The following SYT10 variants were observed in gnomAD, a reference collection of about 807,000 sequenced individuals.
The protein encoded by SYT10 is synaptotagmin 10.
SYT10 carries 31 observed loss-of-function variants against 51.1 expected under a neutral mutation model. The observed-to-expected ratio is 0.61, with a 90% CI of 0.46 to 0.82. SYT10 has a LOEUF of 0.82. SYT10 is among the 40% of genes least tolerant of loss of function. SYT10 has a pLI of 0.00. For synonymous variants in SYT10, 233 were observed against 225.9 expected (o/e 1.03, Z -0.28); for missense variants, 603 against 634.0 (o/e 0.95, Z 0.53).
intron 3 of SYT10, among the ~76,000 whole-genome samples, chr12:33,390,585 A>G (rs946730010): frequency 6.6e-6 from 1 of 152,180 alleles, no homozygotes; most frequent in African/African-American, 2.4e-5. Flanking sequence ...TATATAAAAT[A>G]AATAATTTGC....
chr12:33,435,304 C>G (rs1301438907), intron 1 of SYT10, among the ~76,000 whole-genome samples: 2 of 152,184 alleles, frequency 1.3e-5, no homozygotes, highest in Non-Finnish European at 1.5e-5. Flanking sequence ...CCTGCCAATA[C>G]TGCTAACATA....
chr12:33,434,424 G>A (rs925608739), intron 1 of SYT10, among the ~76,000 whole-genome samples: 4 of 152,148 alleles, frequency 2.6e-5, no homozygotes, highest in African/African-American at 9.7e-5. Context: ...GAGATTTGGA[G>A]GTTATTAAGT....
In SYT10 at chr12:33,439,428, TC is replaced by T. The variant is rs1866666035; in HGVS notation, c.94del (p.Glu32ArgfsTer26). 1 of 1,614,052 alleles carries T rather than the reference TC, an allele frequency of 6.2e-7. No homozygotes were observed. Among genetic ancestry groups the T allele is most frequent in the Non-Finnish European group, 8.5e-7 (1 of 1,180,030 alleles). On this transcript the variant is annotated frameshift_variant, in exon 1 of 7. Coordinates refer to ENST00000228567, the MANE Select transcript of SYT10 (RefSeq NM_198992.4). LOFTEE classifies it high-confidence loss of function. Reference protein sequence around the residue: ...ELCFAGQVEWEKCSGIFPRDR... With the variant: ...ELCFAGQVEWXKCSGIFPRDR... Reference sequence around the variant, plus strand: ...CCGAGGGAAGATGCCCGAGCACTTCTCCCACTCCACCTGGCCGGCGAAGCAC... The same window carrying T: ...CCGAGGGAAGATGCCCGAGCACTTCTCCACTCCACCTGGCCGGCGAAGCAC...
chr12:33,407,610 G>GT (rs548903645), intron 2 of SYT10, among the ~76,000 whole-genome samples: 305 of 151,732 alleles, frequency 2.0e-3, no homozygotes, highest in Non-Finnish European at 3.1e-3. Context: ...GTTTTGTTTT[G>GT]TTTTTTGTTT....
intron 1 of SYT10, 132 bp downstream of exon 1, chr12:33,439,240 G>C: frequency 8.5e-7 from 1 of 1,180,834 alleles, no homozygotes; most frequent in Non-Finnish European, 1.2e-6. Context: ...GAAGGAAGGA[G>C]CGAGGTAGGA....
In SYT10 at chr12:33,382,365, C is replaced by G. The variant is rs780252635; in HGVS notation, c.1354G>C (p.Val452Leu). The G allele has an allele frequency of 8.1e-6, 13 of 1,606,464 alleles. No individual in the cohort carries two copies. The highest frequency in any genetic ancestry group is 9.3e-6 in the Non-Finnish European group (11 of 1,176,700). Reference sequence around the variant, plus strand: ...TACACATACCTATCGTAATCCATGACCGCAATGGAGAGGCTGACCTGGTCC... The same window carrying G: ...TACACATACCTATCGTAATCCATGAGCGCAATGGAGAGGCTGACCTGGTCC... Reference protein sequence around the residue: ...NVDQVSLSIAVMDYDRVGHNE... With the variant: ...NVDQVSLSIALMDYDRVGHNE... Residue 452 changes from valine (V) to leucine (L), a missense_variant, in exon 5 of 7, where the codon GTC becomes CTC. Physicochemically the swap from Val to Leu is conservative, Grantham distance 32 (BLOSUM62 1). Coordinates refer to ENST00000228567, the MANE Select transcript of SYT10 (RefSeq NM_198992.4).
intron 4 of SYT10, among the ~76,000 whole-genome samples, chr12:33,384,126 C>T (rs533420242): frequency 1.3e-5 from 2 of 152,146 alleles, no homozygotes; most frequent in South Asian, 4.2e-4. Flanking sequence ...TAAGTAGTGT[C>T]TCTCTCATTT....
At chr12:33,398,444 C>T (rs1451151106) in intron 3 of SYT10, among the ~76,000 whole-genome samples, 2 of 151,726 alleles carry the variant, frequency 1.3e-5, no homozygotes, top group Admixed American at 6.6e-5. Context: ...ACCTGGGAGG[C>T]GGAGGTTGCA....
intron 2 of SYT10, among the ~76,000 whole-genome samples, chr12:33,415,656 T>A (rs1287842683): frequency 2.0e-5 from 3 of 152,218 alleles, no homozygotes; most frequent in Non-Finnish European, 2.9e-5. Flanking sequence ...GAAACTCTCA[T>A]CATATATTCA....
At chr12:33,381,507 G>C (rs753683649) in intron 5 of SYT10, among the ~76,000 whole-genome samples, 1 of 152,186 alleles carries the variant, frequency 6.6e-6, no homozygotes, top group African/African-American at 2.4e-5. Context: ...AAAATAATAA[G>C]AGGAAGTATA....
In SYT10 at chr12:33,393,317, C is replaced by A. The variant is rs74075216; in HGVS notation, c.1078-8026G>T. ...TTCCTCATACTGGTTAAGAGATAAT[C>A]ATAAGCTTCTGGATGCAAAAAACCA... is the stretch of plus-strand genomic sequence containing the variant. On this transcript the variant is annotated intron_variant, in intron 3 of 6. Transcript: ENST00000228567. Among the ~76,000 whole-genome samples the A allele has an allele frequency of 4.6e-3, 698 of 152,288 alleles. 4 individuals carry two copies. The highest frequency in any genetic ancestry group is 0.016 in the African/African-American group (674 of 41,568).
rs369118657 is a variant in SYT10 at position 33,385,193 on chromosome 12, C to T, written c.1176G>A (p.Ala392=). The T allele has an allele frequency of 5.6e-6, 9 of 1,613,646 alleles. No homozygotes were observed. The highest frequency in any genetic ancestry group is 4.5e-5 in the East Asian group (2 of 44,854). ...TACCTGATGAGCCAGTAATATCCAT[C>T]GCCTTCAGATTTCTGCACTTAATGA... ...LTVIKCRNLK[A]MDITGSSDPY... Residue 392 remains alanine, a synonymous_variant, in exon 4 of 7, where the codon GCG becomes GCA. Coordinates refer to ENST00000228567, the MANE Select transcript of SYT10 (RefSeq NM_198992.4).
intron 3 of SYT10, among the ~76,000 whole-genome samples, chr12:33,386,835 A>G (rs1406755729): frequency 6.6e-6 from 1 of 152,202 alleles, no homozygotes; most frequent in African/African-American, 2.4e-5. Context: ...TTTTTGAAGA[A>G]CTGAATACAT....
At chr12:33,395,915 T>C (rs1339792363) in intron 3 of SYT10, among the ~76,000 whole-genome samples, 2 of 152,208 alleles carry the variant, frequency 1.3e-5, no homozygotes, top group Admixed American at 6.5e-5. Flanking sequence ...GGTAAAACTC[T>C]AATATCATTC....
intron 2 of SYT10, among the ~76,000 whole-genome samples, chr12:33,423,303 AGTGTGTGT>A (rs139986432): frequency 6.7e-6 from 1 of 149,538 alleles, no homozygotes; most frequent in South Asian, 2.1e-4. Context: ...AGTTAAATTC[AGTGTGTGT>A]GTGTGTGTGT....
At chr12:33,383,297 T>C (rs1866131836) in intron 4 of SYT10, among the ~76,000 whole-genome samples, 1 of 152,194 alleles carries the variant, frequency 6.6e-6, no homozygotes, top group African/African-American at 2.4e-5. Context: ...CTATCAATTT[T>C]TTTTTCATTC....
chr12:33,404,417 G>A (rs969064075), intron 3 of SYT10, among the ~76,000 whole-genome samples: 2 of 151,944 alleles, frequency 1.3e-5, no homozygotes, highest in African/African-American at 4.8e-5. Context: ...TTGAGATGGA[G>A]TCTCGCTCTG....
intron 2 of SYT10, among the ~76,000 whole-genome samples, chr12:33,420,019 T>C (rs747754410): frequency 7.2e-5 from 11 of 152,200 alleles, no homozygotes; most frequent in Non-Finnish European, 1.3e-4. Flanking sequence ...CCTTACTTTG[T>C]AATATGTTTC....
At chr12:33,380,050 T>C in intron 5 of SYT10, 89 bp from the exon 6 acceptor site, 4 of 1,401,068 alleles carry the variant, frequency 2.9e-6, no homozygotes, top group Admixed American at 4.3e-5. Context: ...AAAAATATGA[T>C]TAAAACATTA....
Sources: allele counts gnomAD v4.1 joint callset (sites outside exome capture counted in the v4.1 genomes callset), GRCh38; gene constraint gnomAD v4.1.1; transcripts MANE v1.5; gene names NCBI Gene and HGNC (gene_info 2026-07-23, HGNC 2026-07-21).